The following FAM20C variants were observed in gnomAD, a reference collection of about 807,000 sequenced individuals.
FAM20C encodes the protein FAM20C golgi associated secretory pathway kinase.
A neutral mutation model predicts 51.5 loss-of-function variants in FAM20C; 40 were observed. The observed-to-expected ratio is 0.78, with a 90% CI of 0.60 to 1.01. The LOEUF is 1.01. FAM20C is among the 50% of genes least tolerant of loss of function. The probability of loss-of-function intolerance (pLI) is 0.00; values close to 1 mark genes in which losing one functional copy is unlikely to be tolerated. For synonymous variants in FAM20C, 406 were observed against 380.6 expected, an observed-to-expected ratio of 1.07 and a Z score of -0.78; for missense variants, 861 against 844.7, an observed-to-expected ratio of 1.02 and a Z score of -0.24.
At chr7:213,768 T>G (rs1786836418) in intron 3 of FAM20C, among the ~76,000 whole-genome samples, 1 of 152,146 alleles carries the variant, frequency 6.6e-6, no homozygotes, top group Non-Finnish European at 1.5e-5. Context: ...TGCACCATTG[T>G]GTAACCCTGC....
chr7:230,744 T>C (rs921365989), intron 3 of FAM20C, among the ~76,000 whole-genome samples: 1 of 43,088 alleles, frequency 2.3e-5, no homozygotes, highest in African/African-American at 3.9e-5. Context: ...ATATACTGAA[T>C]AATACCTATT....
chr7:255,784 G>C, intron 5 of FAM20C, 65 bp from the exon 6 acceptor site: 1 of 1,519,742 alleles, frequency 6.6e-7, no homozygotes, highest in African/African-American at 1.4e-5. Flanking sequence ...CTTGGGGGCC[G>C]TGAGACCACA....
intron 2 of FAM20C, among the ~76,000 whole-genome samples, chr7:199,546 G>A (rs892224338): frequency 2.6e-5 from 4 of 152,154 alleles, no homozygotes; most frequent in Non-Finnish European, 2.9e-5. Context: ...CAGAAATATT[G>A]TTGTAATGGA....
intron 3 of FAM20C, among the ~76,000 whole-genome samples, chr7:237,012 G>C (rs1431008322): frequency 2.0e-5 from 3 of 152,222 alleles, no homozygotes; most frequent in African/African-American, 7.2e-5. Context: ...TCTAGGAAAA[G>C]GGGCATCCAG....
At position 215,232 on chromosome 7, in the gene FAM20C, G is replaced by T. The variant is rs1035781053; in HGVS notation, c.863+6256G>T. On this transcript the variant is annotated intron_variant, in intron 3 of 9. Transcript: ENST00000313766. ...ACAGAGTTTAGAGGCTCCAGCTGGG[G>T]GGGGGAGCAGGGCCCCTGGTGTATG... is the stretch of plus-strand genomic sequence containing the variant. Among the ~76,000 whole-genome samples the T allele has an allele frequency of 5.6e-5, 7 of 125,818 alleles. 1 individual carries two copies. In the South Asian group the frequency reaches 8.3e-4, roughly 15 times the overall value. 82.5% of individuals were successfully genotyped at this position (125,818 alleles called of 152,430 possible).
intron 5 of FAM20C, 90 bp from the exon 6 acceptor site, chr7:255,759 A>C: frequency 7.1e-7 from 1 of 1,418,040 alleles, no homozygotes; most frequent in Non-Finnish European, 9.6e-7. Context: ...AGCACCAGGC[A>C]GAGCCCGGCC....
chr7:210,244 G>C (rs1007302523), intron 3 of FAM20C, among the ~76,000 whole-genome samples: 1 of 152,194 alleles, frequency 6.6e-6, no homozygotes, highest in Non-Finnish European at 1.5e-5. Flanking sequence ...GAGATCACAA[G>C]CACTTCCTTC....
intron 5 of FAM20C, among the ~76,000 whole-genome samples, chr7:254,515 G>T (rs920104293): frequency 1.3e-5 from 2 of 152,238 alleles, no homozygotes; most frequent in African/African-American, 4.8e-5. Context: ...GCCGTCGGCC[G>T]GGCCTCCAGC....
At position 192,990 on chromosome 7, in the gene FAM20C, AGCGGGGACGGGCCCGAGATGGC is replaced by A. The variant is rs1031549858; in HGVS notation, c.-201_-180del. ...GGGCGCGGCCGCTCCGGAGAGGCCG[AGCGGGGACGGGCCCGAGATGGC>A]GCGGGGACCCAGCGCTCCGGCGGCG... is the stretch of plus-strand genomic sequence containing the variant. On this transcript the variant is annotated 5_prime_UTR_variant, in exon 1 of 10. An upstream start codon of the reference 5' UTR is lost. Coordinates refer to ENST00000313766, the MANE Select transcript of FAM20C (RefSeq NM_020223.4). The A allele has an allele frequency of 9.8e-6, 2 of 204,288 alleles. No homozygotes were observed. Among genetic ancestry groups the A allele is most frequent in the African/African-American group, 4.8e-5 (2 of 42,020 alleles). The allele number at this position is 204,288 out of a possible 1,614,324, so 12.7% of individuals were successfully genotyped here. A position where few individuals can be genotyped will look rare whatever the true frequency, so the allele number is the denominator to read the frequency against.
At position 257,276 on chromosome 7, in the gene FAM20C, C is replaced by T. The variant is rs149881785; in HGVS notation, c.1445+190C>T. On this transcript the variant is annotated intron_variant, in intron 8 of 9. Coordinates refer to ENST00000313766, the MANE Select transcript of FAM20C (RefSeq NM_020223.4). ...CCCCAACCAGGAGGGAGGGCCGCCC[C>T]GGGAGTGGGACCTCCGAGGCACAGG... is the stretch of plus-strand genomic sequence containing the variant. 5.9e-4 allele frequency: 357 copies of T among 606,260 alleles called. 1 individual carries two copies. The highest frequency in any genetic ancestry group is 5.6e-3 in the African/African-American group (299 of 53,844). 37.6% of individuals were successfully genotyped at this position (606,260 alleles called of 1,614,324 possible).
At chr7:231,119 C>T (rs1057385912) in intron 3 of FAM20C, among the ~76,000 whole-genome samples, 1 of 152,090 alleles carries the variant, frequency 6.6e-6, no homozygotes, top group Admixed American at 6.5e-5. Flanking sequence ...GGAGCAGCAG[C>T]CCCAGCAGGA....
Position 249,758 on chromosome 7 carries a change from A to T in FAM20C, c.1072+1328A>T, listed in dbSNP as rs1002352024. Among the ~76,000 whole-genome samples the T allele has an allele frequency of 2.0e-5, 3 of 152,102 alleles. No homozygotes were observed. In the South Asian group the frequency reaches 6.2e-4, roughly 32 times the overall value. ...CTGTCTCAAAAAAAAAGAAAAGAAA[A>T]GAAACTGGCATTTGTGGCTCTGCCG... On this transcript the variant is annotated intron_variant, in intron 5 of 9. Coordinates refer to ENST00000313766, the MANE Select transcript of FAM20C (RefSeq NM_020223.4).
At chr7:203,126 C>T (rs565745557) in intron 2 of FAM20C, among the ~76,000 whole-genome samples, 1 of 152,226 alleles carries the variant, frequency 6.6e-6, no homozygotes, top group African/African-American at 2.4e-5. Context: ...TGCCAGGATG[C>T]CCCCGCCTCA....
chr7:197,149 C>T (rs995508129), intron 2 of FAM20C: 4 of 167,208 alleles, frequency 2.4e-5, no homozygotes, highest in Admixed American at 6.5e-5. Flanking sequence ...CTGGCACCTC[C>T]TGCATGTCAG....
intron 3 of FAM20C, among the ~76,000 whole-genome samples, chr7:217,423 G>C (rs1787048387): frequency 6.6e-6 from 1 of 152,222 alleles, no homozygotes; most frequent in Admixed American, 6.5e-5. Context: ...TTAGGGTAGA[G>C]CTGCATTTGG....
At chr7:206,722 T>C (rs866944918) in intron 2 of FAM20C, among the ~76,000 whole-genome samples, 36 of 131,072 alleles carry the variant, frequency 2.7e-4, no homozygotes, top group Non-Finnish European at 3.2e-4. Flanking sequence ...TCTGTCATGG[T>C]CCCCTCGGCC....
At chr7:226,440 C>T (rs540952069) in intron 3 of FAM20C, among the ~76,000 whole-genome samples, 1 of 152,274 alleles carries the variant, frequency 6.6e-6, no homozygotes, top group Admixed American at 6.5e-5. Flanking sequence ...CACAAGAGTC[C>T]CAGCGCTTAC....
At chr7:198,125 T>A (rs1047970625) in intron 2 of FAM20C, among the ~76,000 whole-genome samples, 1 of 152,192 alleles carries the variant, frequency 6.6e-6, no homozygotes, top group African/African-American at 2.4e-5. Context: ...TTGGTTCTCA[T>A]CCAGTCTTCT....
chr7:201,539 C>T (rs542328403), intron 2 of FAM20C, among the ~76,000 whole-genome samples: 1 of 152,364 alleles, frequency 6.6e-6, no homozygotes, highest in East Asian at 1.9e-4. Flanking sequence ...AGGGCCGTCT[C>T]TCCCTGTCTC....
Sources: gnomAD v4.1 joint callset for allele counts (sites outside exome capture counted in the v4.1 genomes callset) on GRCh38, gnomAD v4.1.1 for gene constraint, MANE v1.5 for transcripts, NCBI Gene and HGNC (gene_info 2026-07-23, HGNC 2026-07-21) for gene names.